Variants in BRF1 observed in about 807,000 individuals in gnomAD.
BRF1 encodes BRF1 general transcription factor IIIB subunit.
A neutral mutation model predicts 81.7 loss-of-function variants in BRF1; 59 were observed. The observed-to-expected ratio is 0.72, with a 90% CI of 0.59 to 0.90. BRF1 has a LOEUF of 0.90. BRF1 is among the 40% of genes least tolerant of loss of function. The probability of loss-of-function intolerance (pLI) is 0.00; values close to 1 mark genes in which losing one functional copy is unlikely to be tolerated. For synonymous variants in BRF1, 491 were observed against 395.6 expected (o/e 1.24, Z -2.86); for missense variants, 1,050 against 936.3 (o/e 1.12, Z -1.58).
At chr14:105,288,795 G>C (rs1271664479) in intron 1 of BRF1, among the ~76,000 whole-genome samples, 2 of 151,232 alleles carry the variant, frequency 1.3e-5, no homozygotes, top group Non-Finnish European at 2.9e-5. Context: ...AACCACGCCC[G>C]GCTAATTTTT....
chr14:105,300,398 C>A (rs2057958175), intron 1 of BRF1, 48 bp downstream of exon 1: 10 of 1,475,952 alleles, frequency 6.8e-6, no homozygotes, highest in Non-Finnish European at 8.9e-6. Flanking sequence ...CTCCAGCCCG[C>A]CTAAGCCGCA....
At chr14:105,258,604 C>A (rs2056002572) in intron 3 of BRF1, among the ~76,000 whole-genome samples, 3 of 151,762 alleles carry the variant, frequency 2.0e-5, no homozygotes. Context: ...TTGAGACCAG[C>A]CTGGCCAACA....
Position 105,309,804 on chromosome 14 carries a change from T to A in BRF1, c.-162+5518A>T, listed in dbSNP as rs906237014. On this transcript the variant is annotated intron_variant, in intron 1 of 17. Coordinates refer to the BRF1 transcript ENST00000327359. This position sits in a 1 kb window ranked among gnomAD's most constrained non-coding sequence, Gnocchi z 4.0. Reference sequence around the variant, plus strand: ...TTTTTTTTTTTTTTTTTTTTTTTTTTAGACGGAGTCTCACTCTCTTGCCCA... The same window carrying A: ...TTTTTTTTTTTTTTTTTTTTTTTTTAAGACGGAGTCTCACTCTCTTGCCCA... Among the ~76,000 whole-genome samples, 18 of 135,146 alleles carry A rather than the reference T, an allele frequency of 1.3e-4. No homozygotes were observed. The East Asian group carries it at 3.0e-3, about 23-fold the overall frequency. The allele number at this position is 135,146 out of a possible 152,430, so 88.7% of individuals were successfully genotyped here.
chr14:105,274,446 C>G lies in BRF1; in HGVS notation c.266-1552G>C, dbSNP rs587706267. On this transcript the variant is annotated intron_variant, in intron 2 of 17. Coordinates refer to ENST00000547530, the MANE Select transcript of BRF1 (RefSeq NM_001519.4). ...CGTCCCACCTGACGAGATATACCCA[C>G]AGGTGTGGAGGGGCAGGCCACCCCT... 5.3e-5 allele frequency among the ~76,000 whole-genome samples: 8 copies of G among 152,276 alleles called. No individual in the cohort carries two copies. The South Asian group carries it at 1.2e-3, about 24-fold the overall frequency.
Position 105,211,226 on chromosome 14 carries a change from C to T in BRF1, c.1892G>A (p.Ser631Asn), listed in dbSNP as rs1354353528. ...PARPQAVLVE[S>N]GPVSYHADEE... ...GTCGGCGTGGTATGACACGGGCCCG[C>T]TCTCCACCAGCACCGCCTGGGGCCT... The change falls in exon 17 of 18, where the codon AGC becomes AAC. Residue 631 changes from serine to asparagine, a missense_variant. Physicochemically the swap from Ser to Asn is conservative, Grantham distance 46 (BLOSUM62 1). Coordinates refer to ENST00000547530, the MANE Select transcript of BRF1 (RefSeq NM_001519.4). 1.2e-6 allele frequency: 2 copies of T among 1,611,198 alleles called. No individual in the cohort carries two copies. The highest frequency in any genetic ancestry group is 1.7e-6 in the Non-Finnish European group (2 of 1,179,582).
chr14:105,221,997 C>A, intron 10 of BRF1, 83 bp from the exon 11 acceptor site: 1 of 1,472,150 alleles, frequency 6.8e-7, no homozygotes, highest in South Asian at 1.3e-5. Context: ...TACCAAGCTG[C>A]CAGGTAACCC....
chr14:105,303,421 T>A (rs1461487380), upstream of BRF1, among the ~76,000 whole-genome samples: 2 of 151,634 alleles, frequency 1.3e-5, no homozygotes, highest in Non-Finnish European at 2.9e-5. Flanking sequence ...TTTTTTGTAT[T>A]TTTAGTAGAG....
chr14:105,266,588 A>G (rs901622829), intron 3 of BRF1, among the ~76,000 whole-genome samples: 3 of 152,194 alleles, frequency 2.0e-5, no homozygotes, highest in Non-Finnish European at 4.4e-5. Flanking sequence ...AAGCTGATAA[A>G]GAGTCCTATA....
At chr14:105,259,594 T>C (rs1476435425) in intron 3 of BRF1, among the ~76,000 whole-genome samples, 3 of 152,178 alleles carry the variant, frequency 2.0e-5, no homozygotes, top group Middle Eastern at 3.2e-3. Flanking sequence ...CCACTCACCA[T>C]ACAAAACACC....
At position 105,210,430 on chromosome 14, in the gene BRF1, G is replaced by A. The variant is rs587703701; in HGVS notation, c.*121C>T. 16 of 1,092,914 alleles carry A rather than the reference G, an allele frequency of 1.5e-5. No individual in the cohort carries two copies. In the East Asian group the frequency reaches 3.8e-4, roughly 26 times the overall value. 67.7% of individuals were successfully genotyped at this position (1,092,914 alleles called of 1,614,324 possible). A position where few individuals can be genotyped will look rare whatever the true frequency, so the allele number is the denominator to read the frequency against. ...ATGGGACGAGGGCTGTGGGACAGGT[G>A]CCACCTGTCACCAGGAGTCTCGGCG... On this transcript the variant is annotated 3_prime_UTR_variant, in exon 18 of 18. Coordinates refer to ENST00000547530, the MANE Select transcript of BRF1 (RefSeq NM_001519.4). The surrounding 1 kb of genome is among the most constrained non-coding windows in gnomAD (Gnocchi z 4.7).
intron 15 of BRF1, 127 bp from the exon 16 acceptor site, chr14:105,212,291 G>A: frequency 7.8e-7 from 1 of 1,281,934 alleles, no homozygotes; most frequent in Non-Finnish European, 1.1e-6. Context: ...TGGAAGCCTG[G>A]TTCTGCGTCC....
intron 1 of BRF1, among the ~76,000 whole-genome samples, chr14:105,286,804 T>C (rs1441674512): frequency 2.0e-5 from 3 of 152,204 alleles, no homozygotes; most frequent in Admixed American, 6.5e-5. Context: ...TTTCTAACCA[T>C]GTCCCTAACA....
At chr14:105,310,416 C>G (rs1224794569) in intron 1 of BRF1, among the ~76,000 whole-genome samples, 1 of 151,544 alleles carries the variant, frequency 6.6e-6, no homozygotes, top group Non-Finnish European at 1.5e-5. Context: ...TGTAGTCCCC[C>G]CTACTCAGGA....
At chr14:105,242,302 C>T (rs587668963) in intron 5 of BRF1, 1 of 152,008 alleles carries the variant, frequency 6.6e-6, no homozygotes, top group African/African-American at 2.4e-5. Context: ...AAGATAAAAA[C>T]CAATGATTTG....
intron 5 of BRF1, among the ~76,000 whole-genome samples, chr14:105,243,943 T>G (rs956704916): frequency 6.6e-6 from 1 of 152,064 alleles, no homozygotes; most frequent in African/African-American, 2.4e-5. Context: ...GAGGTTGCAA[T>G]GAACCAAGAC....
chr14:105,269,898 G>C lies in BRF1; in HGVS notation c.439+2823C>G, dbSNP rs1421538829. 6.6e-6 allele frequency among the ~76,000 whole-genome samples: 1 copy of C among 152,172 alleles called. No homozygotes were observed. Among genetic ancestry groups the C allele is most frequent in the African/African-American group, 2.4e-5 (1 of 41,448 alleles). On this transcript the variant is annotated intron_variant, in intron 3 of 17. Coordinates refer to ENST00000547530, the MANE Select transcript of BRF1 (RefSeq NM_001519.4). This position sits in a 1 kb window ranked among gnomAD's most constrained non-coding sequence, Gnocchi z 5.0. ...AGCTCCTACAAACACAAGGGAGGCA[G>C]GGCCATGGGCTGACCCTGGGCTCTG...
chr14:105,247,259 G>C (rs2055185902), intron 5 of BRF1: 1 of 985,290 alleles, frequency 1.0e-6, no homozygotes, highest in African/African-American at 1.7e-5. Flanking sequence ...CTTTCCAAAC[G>C]GCTTGGCCGT....
intron 6 of BRF1, among the ~76,000 whole-genome samples, chr14:105,241,005 G>A (rs1480731867): frequency 4.6e-5 from 7 of 152,218 alleles, no homozygotes; most frequent in Admixed American, 4.6e-4. Flanking sequence ...CACCCCAGAA[G>A]TAGGCAACCT....
chr14:105,311,060 C>A (rs1044321954), intron 1 of BRF1, among the ~76,000 whole-genome samples: 1 of 152,254 alleles, frequency 6.6e-6, no homozygotes, highest in Non-Finnish European at 1.5e-5. Flanking sequence ...TCAAGCGATT[C>A]TCCTGCCTCA....
Sources: gnomAD v4.1 joint callset for allele counts (sites outside exome capture counted in the v4.1 genomes callset) on GRCh38, gnomAD v4.1.1 for gene constraint, Gnocchi (gnomAD v3.1) non-coding constraint, MANE v1.5 for transcripts, NCBI Gene and HGNC (gene_info 2026-07-23, HGNC 2026-07-21) for gene names.